The following NR3C2 variants were observed in gnomAD, a reference collection of about 807,000 sequenced individuals.
NR3C2 encodes mineralocorticoid receptor.
NR3C2 carries 15 observed loss-of-function variants against 86.4 expected under a neutral mutation model. That is an observed-to-expected ratio of 0.17 (90% confidence interval 0.12 to 0.27). The LOEUF is 0.27. Among genes scored for constraint, NR3C2 ranks in the 10% least tolerant of loss-of-function variants. The probability of loss-of-function intolerance (pLI) is 1.00; values close to 1 mark genes in which losing one functional copy is unlikely to be tolerated. For synonymous variants in NR3C2, 458 were observed against 450.5 expected (o/e 1.02, Z -0.21); for missense variants, 960 against 1,195.6 (o/e 0.80, Z 2.91).
intron 3 of NR3C2, among the ~76,000 whole-genome samples, chr4:148,226,082 CA>C (rs1336054168): frequency 6.6e-6 from 1 of 152,052 alleles, no homozygotes; most frequent in African/African-American, 2.4e-5. Context: ...GCACCTATCA[CA>C]AAAAAAGTTG....
chr4:148,181,665 G>A (rs1735652140), intron 4 of NR3C2, among the ~76,000 whole-genome samples: 2 of 152,306 alleles, frequency 1.3e-5, no homozygotes, highest in South Asian at 2.1e-4. Flanking sequence ...GAGCCACGGG[G>A]CTTTTTTAGA....
chr4:148,164,482 A>T (rs1734794519), intron 4 of NR3C2, among the ~76,000 whole-genome samples: 1 of 152,208 alleles, frequency 6.6e-6, no homozygotes, highest in Non-Finnish European at 1.5e-5. Flanking sequence ...TTATTCTTTG[A>T]GGATAACTAT....
chr4:148,259,087 G>A (rs996807746), intron 3 of NR3C2, among the ~76,000 whole-genome samples: 2 of 152,142 alleles, frequency 1.3e-5, no homozygotes, highest in Non-Finnish European at 2.9e-5. Flanking sequence ...GCAAAACACA[G>A]GGAAAACATT....
intron 4 of NR3C2, among the ~76,000 whole-genome samples, chr4:148,175,588 G>C (rs1735337465): frequency 6.6e-6 from 1 of 152,130 alleles, no homozygotes; most frequent in African/African-American, 2.4e-5. Context: ...TGAAATTTAA[G>C]TTTTTGCTTT....
intron 2 of NR3C2, among the ~76,000 whole-genome samples, chr4:148,294,291 C>G (rs1741942829): frequency 6.6e-6 from 1 of 152,154 alleles, no homozygotes; most frequent in Non-Finnish European, 1.5e-5. Context: ...GTATTAGGAA[C>G]ATGGTCAGTG....
At chr4:148,376,145 C>CAAA (rs70962716) in intron 2 of NR3C2, among the ~76,000 whole-genome samples, 18,156 of 105,210 alleles carry the variant, frequency 0.17, 1,362 homozygotes, top group African/African-American at 0.21. Flanking sequence ...AGGAGTAAGG[C>CAAA]AAAAAAAAAA....
At chr4:148,295,033 T>C (rs1352077766) in intron 2 of NR3C2, among the ~76,000 whole-genome samples, 1 of 152,020 alleles carries the variant, frequency 6.6e-6, no homozygotes, top group Non-Finnish European at 1.5e-5. Flanking sequence ...ATTAATCAGA[T>C]GATGATGAAA....
At chr4:148,167,677 A>G (rs1734940193) in intron 4 of NR3C2, among the ~76,000 whole-genome samples, 1 of 152,236 alleles carries the variant, frequency 6.6e-6, no homozygotes, top group Non-Finnish European at 1.5e-5. Context: ...AAGGGAAAGA[A>G]AGAGCAAATA....
At chr4:148,171,982 T>A (rs1735148714) in intron 4 of NR3C2, among the ~76,000 whole-genome samples, 1 of 152,176 alleles carries the variant, frequency 6.6e-6, no homozygotes, top group Non-Finnish European at 1.5e-5. Context: ...TGGAATCCAA[T>A]AATAATTTAG....
At chr4:148,092,540 C>T (rs1201666409) in intron 8 of NR3C2, among the ~76,000 whole-genome samples, 2 of 152,158 alleles carry the variant, frequency 1.3e-5, no homozygotes, top group East Asian at 3.9e-4. Context: ...ATTCCAAGCT[C>T]CCAGTGCTTG....
intron 2 of NR3C2, among the ~76,000 whole-genome samples, chr4:148,278,074 TAC>T (rs1295058621): frequency 6.7e-6 from 1 of 148,910 alleles, no homozygotes; most frequent in Non-Finnish European, 1.5e-5. Flanking sequence ...TCAAAGAACT[TAC>T]AGAGTCAAGT....
Position 148,237,121 on chromosome 4 carries a change from C to T in NR3C2, c.1897+22857G>A, listed in dbSNP as rs531922688. On this transcript the variant is annotated intron_variant, in intron 3 of 8. Coordinates refer to ENST00000358102, the MANE Select transcript of NR3C2 (RefSeq NM_000901.5). ...TTAATGAATACTGAATTTAGCAAAA[C>T]AGATTACAATTCATCAAATGAGAAT... Among the ~76,000 whole-genome samples the T allele has an allele frequency of 2.6e-5, 4 of 152,272 alleles. No homozygotes were observed. The South Asian group carries it at 8.3e-4, about 32-fold the overall frequency.
intron 2 of NR3C2, among the ~76,000 whole-genome samples, chr4:148,366,161 G>A (rs985566035): frequency 6.6e-6 from 1 of 151,958 alleles, no homozygotes; most frequent in Non-Finnish European, 1.5e-5. Flanking sequence ...AATATATAAT[G>A]TTAGACAAAT....
intron 3 of NR3C2, among the ~76,000 whole-genome samples, chr4:148,198,102 G>A (rs1292747544): frequency 4.0e-5 from 6 of 151,762 alleles, no homozygotes; most frequent in Non-Finnish European, 7.4e-5. Flanking sequence ...AAGACTTATA[G>A]GAAGACCAGA....
At chr4:148,142,333 G>C (rs572308820) in intron 6 of NR3C2, among the ~76,000 whole-genome samples, 1 of 152,216 alleles carries the variant, frequency 6.6e-6, no homozygotes, top group African/African-American at 2.4e-5. Context: ...CGACGGAAGT[G>C]GCAGGAGTGT....
intron 2 of NR3C2, among the ~76,000 whole-genome samples, chr4:148,389,552 G>C (rs1056021205): frequency 6.6e-6 from 1 of 151,750 alleles, no homozygotes; most frequent in Non-Finnish European, 1.5e-5. Flanking sequence ...TTATCTCCTA[G>C]TATTACTTTT....
At chr4:148,191,982 T>G (rs1042275583) in intron 4 of NR3C2, among the ~76,000 whole-genome samples, 2 of 152,238 alleles carry the variant, frequency 1.3e-5, no homozygotes, top group Admixed American at 6.5e-5. Context: ...GAATTCTTTT[T>G]GAGATAAATC....
At chr4:148,299,659 C>T (rs901215440) in intron 2 of NR3C2, among the ~76,000 whole-genome samples, 3 of 152,230 alleles carry the variant, frequency 2.0e-5, no homozygotes, top group African/African-American at 4.8e-5. Context: ...AGGGAAGAAA[C>T]GGCAATTAGA....
chr4:148,413,999 CA>C (rs2126579884), intron 2 of NR3C2, among the ~76,000 whole-genome samples: 1 of 152,224 alleles, frequency 6.6e-6, no homozygotes, highest in South Asian at 2.1e-4. Flanking sequence ...CAGACATTTA[CA>C]AAATTTGTCT....
Sources: allele counts gnomAD v4.1 joint callset (sites outside exome capture counted in the v4.1 genomes callset), GRCh38; gene constraint gnomAD v4.1.1; transcripts MANE v1.5; gene names NCBI Gene and HGNC (gene_info 2026-07-23, HGNC 2026-07-21).